TPRG1: variants seen among roughly 807,000 people sequenced by gnomAD.
TPRG1 encodes tumor protein p63-regulated gene 1 protein.
A neutral mutation model predicts 29.3 loss-of-function variants in TPRG1; 29 were observed. That is an observed-to-expected ratio of 0.99 (90% CI 0.74 to 1.35). The LOEUF is 1.35. TPRG1 is among the 40% of genes most tolerant of loss of function. The pLI, the probability that TPRG1 is intolerant of heterozygous loss-of-function variation, is 0.00. For synonymous variants in TPRG1, 130 were observed against 116.8 expected (o/e 1.11, Z -0.73); for missense variants, 327 against 335.0 (o/e 0.98, Z 0.19).
chr3:189,076,531 GTT>G (rs535033927), intron 4 of TPRG1, among the ~76,000 whole-genome samples: 1 of 145,026 alleles, frequency 6.9e-6, no homozygotes, highest in Non-Finnish European at 1.5e-5. Flanking sequence ...CACTGAGACT[GTT>G]TTTTTTTTTA....
chr3:189,163,341 A>G (rs1466958616), intron 5 of TPRG1, among the ~76,000 whole-genome samples: 1 of 152,186 alleles, frequency 6.6e-6, no homozygotes, highest in African/African-American at 2.4e-5. Context: ...TCTCTGAGAC[A>G]TTGATTCATC....
At chr3:189,245,432 A>T (rs1486701565) in intron 4 of TPRG1, among the ~76,000 whole-genome samples, 1 of 152,088 alleles carries the variant, frequency 6.6e-6, no homozygotes, top group Non-Finnish European at 1.5e-5. Context: ...AGATATTTTT[A>T]AATTTTTCTT....
intron 1 of TPRG1, among the ~76,000 whole-genome samples, chr3:189,102,298 A>C (rs1185102169): frequency 6.6e-6 from 1 of 152,200 alleles, no homozygotes; most frequent in Non-Finnish European, 1.5e-5. Flanking sequence ...GTATATAAAA[A>C]GCTGACTTTT....
intron 4 of TPRG1, among the ~76,000 whole-genome samples, chr3:189,306,570 C>T (rs1017376599): frequency 6.6e-6 from 1 of 152,176 alleles, no homozygotes. Context: ...TTTAAAATTA[C>T]ATTTCACTAG....
chr3:189,270,038 TTC>T (rs1714820812), intron 4 of TPRG1, among the ~76,000 whole-genome samples: 1 of 150,822 alleles, frequency 6.6e-6, no homozygotes, highest in Admixed American at 6.6e-5. Flanking sequence ...CTTCTTCTTC[TTC>T]TTCTTCTTCT....
chr3:189,075,414 G>T (rs756331953), intron 4 of TPRG1, among the ~76,000 whole-genome samples: 1 of 152,196 alleles, frequency 6.6e-6, no homozygotes, highest in Non-Finnish European at 1.5e-5. Context: ...GGATTTACAG[G>T]AGTGAGCCAC....
At chr3:189,057,818 GTATATATATACACACATA>G in intron 4 of TPRG1, among the ~76,000 whole-genome samples, 1 of 134,730 alleles carries the variant, frequency 7.4e-6, no homozygotes, top group South Asian at 2.3e-4. Context: ...ATATATGTGT[GTATATATATACACACATA>G]TGTATGTGTG....
chr3:189,194,661 C>T (rs1277366515), intron 1 of TPRG1, among the ~76,000 whole-genome samples: 2 of 152,118 alleles, frequency 1.3e-5, no homozygotes, highest in Admixed American at 6.6e-5. Context: ...AGGTTTGGAC[C>T]TGCAGAGCAG....
At chr3:189,027,148 C>T (rs1713707205) in intron 4 of TPRG1, among the ~76,000 whole-genome samples, 1 of 152,168 alleles carries the variant, frequency 6.6e-6, no homozygotes, top group Admixed American at 6.5e-5. Flanking sequence ...TCCAAATCAA[C>T]ACTTTCTTCT....
At chr3:189,010,753 T>G (rs1334260363) in intron 3 of TPRG1, among the ~76,000 whole-genome samples, 1 of 152,236 alleles carries the variant, frequency 6.6e-6, no homozygotes, top group East Asian at 1.9e-4. Flanking sequence ...TGACAATTTC[T>G]TTTGCTGTGC....
chr3:189,019,692 T>C (rs1713181540), intron 3 of TPRG1, among the ~76,000 whole-genome samples: 1 of 151,986 alleles, frequency 6.6e-6, no homozygotes. Flanking sequence ...TCTAAAATTC[T>C]CTTTTTTGGT....
At chr3:189,007,572 A>G (rs1288564505) in intron 3 of TPRG1, among the ~76,000 whole-genome samples, 2 of 151,648 alleles carry the variant, frequency 1.3e-5, no homozygotes, top group Non-Finnish European at 2.9e-5. Flanking sequence ...ACTATAAATC[A>G]TGCTGCTATA....
intron 3 of TPRG1, among the ~76,000 whole-genome samples, chr3:189,229,868 G>A (rs1000097212): frequency 6.6e-6 from 1 of 152,162 alleles, no homozygotes; most frequent in Non-Finnish European, 1.5e-5. Context: ...CATACAAGCT[G>A]TAACGAACAT....
At chr3:189,262,010 G>A (rs1201062615) in intron 4 of TPRG1, among the ~76,000 whole-genome samples, 2 of 152,042 alleles carry the variant, frequency 1.3e-5, no homozygotes, top group African/African-American at 2.4e-5. Context: ...TTTTGGGGAG[G>A]AGCCTGAAAT....
At chr3:189,248,967 A>G (rs1201487515) in intron 4 of TPRG1, among the ~76,000 whole-genome samples, 1 of 151,312 alleles carries the variant, frequency 6.6e-6, no homozygotes, top group Non-Finnish European at 1.5e-5. Flanking sequence ...TTAGTATATC[A>G]TACATACAGA....
chr3:189,054,845 A>G (rs1190770550), intron 4 of TPRG1, among the ~76,000 whole-genome samples: 4 of 152,208 alleles, frequency 2.6e-5, no homozygotes, highest in African/African-American at 9.6e-5. Context: ...CAATGAAAAA[A>G]TGTTTAAAAT....
intron 4 of TPRG1, among the ~76,000 whole-genome samples, chr3:189,290,834 T>G (rs1718869525): frequency 6.6e-6 from 1 of 152,140 alleles, no homozygotes; most frequent in Admixed American, 6.6e-5. Context: ...ATGGGAAAGT[T>G]TTCTAAGATT....
At chr3:189,270,017 A>ATCTTCTTCTTCTTCTTCTTCTTCTTCT (rs72453037) in intron 4 of TPRG1, among the ~76,000 whole-genome samples, 4 of 148,698 alleles carry the variant, frequency 2.7e-5, no homozygotes, top group African/African-American at 9.9e-5. Flanking sequence ...TCTTCTCTGG[A>ATCTTCTTCTTCTTCTTCTTCTTCTTCT]TCTTCTTCTT....
At chr3:189,228,459 G>T (rs999005060) in intron 3 of TPRG1, among the ~76,000 whole-genome samples, 12 of 152,044 alleles carry the variant, frequency 7.9e-5, no homozygotes, top group Admixed American at 5.2e-4. Flanking sequence ...GGCATGCAAG[G>T]CAGGTTCAAT....
Sources: gnomAD v4.1 joint callset for allele counts (sites outside exome capture counted in the v4.1 genomes callset) on GRCh38, gnomAD v4.1.1 for gene constraint, MANE v1.5 for transcripts, NCBI Gene and HGNC (gene_info 2026-07-23, HGNC 2026-07-21) for gene names.